SLC35D1: variants seen among roughly 807,000 people sequenced by gnomAD.
The protein encoded by SLC35D1 is nucleotide sugar transporter SLC35D1.
Under a neutral mutation model 46.7 loss-of-function variants are expected in SLC35D1, and 31 were observed. The ratio of observed to expected loss-of-function variants is 0.66; its 90% CI spans 0.50 to 0.90. SLC35D1 has a LOEUF of 0.90. Among genes scored for constraint, SLC35D1 ranks in the 40% least tolerant of loss-of-function variants. The pLI, the probability that SLC35D1 is intolerant of heterozygous loss-of-function variation, is 0.00. For missense variants in SLC35D1, 397 were observed against 426.2 expected, an observed-to-expected ratio of 0.93 and a Z score of 0.60; for synonymous variants, 195 against 164.6, an observed-to-expected ratio of 1.18 and a Z score of -1.41.
chr1:66,991,794 C>CTTT, the SLC35D1 span, among the ~76,000 whole-genome samples: 1,978 of 149,242 alleles, frequency 0.013, 36 homozygotes, highest in African/African-American at 0.046. Flanking sequence ...ATATTTACAG[C>CTTT]TTTTTTTTTT....
At chr1:67,023,783 G>A (rs939958180) in intron 8 of SLC35D1, among the ~76,000 whole-genome samples, 1 of 151,646 alleles carries the variant, frequency 6.6e-6, no homozygotes, top group East Asian at 1.9e-4. Flanking sequence ...AGAGGTGCCC[G>A]GCCTCTTTTG....
At chr1:66,998,996 A>G (rs935696537), downstream of SLC35D1, among the ~76,000 whole-genome samples, 3 of 152,220 alleles carry the variant, frequency 2.0e-5, no homozygotes, top group African/African-American at 7.2e-5. Flanking sequence ...TTTTACCACA[A>G]TCTTTTTCTT....
At chr1:67,012,765 A>T (rs1397650490) in intron 10 of SLC35D1, among the ~76,000 whole-genome samples, 1 of 152,114 alleles carries the variant, frequency 6.6e-6, no homozygotes, top group Non-Finnish European at 1.5e-5. Flanking sequence ...ATTCACAATA[A>T]AGGCTGCTGT....
chr1:66,974,952 C>T, the SLC35D1 span, among the ~76,000 whole-genome samples: 2 of 151,954 alleles, frequency 1.3e-5, no homozygotes, highest in East Asian at 1.9e-4. Flanking sequence ...TGACTTAGTT[C>T]GAATCTATCT....
the SLC35D1 span, chr1:66,987,306 A>G: frequency 6.5e-6 from 1 of 152,712 alleles, no homozygotes; most frequent in South Asian, 2.1e-4. Flanking sequence ...TTTGCTTAAG[A>G]TTTAGTACAT....
the SLC35D1 span, chr1:66,988,344 C>G: frequency 2.0e-5 from 3 of 152,112 alleles, no homozygotes; most frequent in Admixed American, 2.0e-4. Context: ...TCTTTAATAT[C>G]AAGTTCATCC....
intron 7 of SLC35D1, among the ~76,000 whole-genome samples, chr1:67,043,268 A>T (rs749627611): frequency 6.6e-6 from 1 of 151,970 alleles, no homozygotes; most frequent in Non-Finnish European, 1.5e-5. Flanking sequence ...GGGGAGGCTG[A>T]TGTGGGTGGA....
At chr1:66,996,772 A>G (rs921835802), downstream of SLC35D1, among the ~76,000 whole-genome samples, 2 of 152,246 alleles carry the variant, frequency 1.3e-5, no homozygotes, top group Non-Finnish European at 2.9e-5. Context: ...CTGACAGCCT[A>G]TGCTTCAAGG....
chr1:66,981,507 G>A, the SLC35D1 span, among the ~76,000 whole-genome samples: 2 of 152,252 alleles, frequency 1.3e-5, no homozygotes, highest in African/African-American at 2.4e-5. Context: ...GGGCCACTCT[G>A]AGCACCTGCC....
At position 67,021,756 on chromosome 1, in the gene SLC35D1, C is replaced by CAT. The variant is rs1167111463; in HGVS notation, c.730-155_730-154insAT. On this transcript the variant is annotated intron_variant, in intron 8 of 11. Transcript: ENST00000235345. ...ACACACACACACACACACACACACA[C>CAT]ACAGGTATATGTTTCCCTGAATTAC... Among the ~76,000 whole-genome samples the CAT allele has an allele frequency of 3.0e-4, 45 of 150,892 alleles. No individual in the cohort carries two copies. In the East Asian group the frequency reaches 3.7e-3, roughly 12 times the overall value.
Position 67,002,363 on chromosome 1 carries a change from C to T in SLC35D1, c.*1977G>A, listed in dbSNP as rs1419013250. On this transcript the variant is annotated 3_prime_UTR_variant, in exon 12 of 12. Coordinates refer to ENST00000235345, the MANE Select transcript of SLC35D1 (RefSeq NM_015139.3). ...GCTTTTTTGAAAGTGCTCAAGTGAA[C>T]TCAGGATCTGTTTCCTTACTCCCTC... is the stretch of plus-strand genomic sequence containing the variant. The T allele has an allele frequency of 6.6e-6, 1 of 152,332 alleles. No individual in the cohort carries two copies. Among genetic ancestry groups the T allele is most frequent in the Non-Finnish European group, 1.5e-5 (1 of 68,046 alleles). The allele number at this position is 152,332 out of a possible 1,614,324, so 9.4% of individuals were successfully genotyped here.
the SLC35D1 span, among the ~76,000 whole-genome samples, chr1:66,992,764 C>A: frequency 2.0e-5 from 3 of 152,296 alleles, no homozygotes; most frequent in African/African-American, 7.2e-5. Flanking sequence ...ATGGCAGCAC[C>A]CTTTGGGTTT....
At chr1:67,050,294 T>C in intron 5 of SLC35D1, 139 bp downstream of exon 5, 1 of 665,134 alleles carries the variant, frequency 1.5e-6, no homozygotes, top group South Asian at 1.9e-5. Flanking sequence ...AAACTATCAA[T>C]TCCAGCAGCC....
At position 67,042,051 on chromosome 1, in the gene SLC35D1, T is replaced by A. The variant is rs2815375; in HGVS notation, c.729+185A>T. 0.75 allele frequency among the ~76,000 whole-genome samples: 113,872 copies of A among 152,142 alleles called. 43,028 individuals are homozygous for A. The highest frequency in any genetic ancestry group is 0.88 in the South Asian group (4,236 of 4,826). Reference sequence around the variant, plus strand: ...CAGCAGAGCTATTTTGAGTCATCTTTGTACTATCCAATGTTTACGCCAAGA... The same window carrying A: ...CAGCAGAGCTATTTTGAGTCATCTTAGTACTATCCAATGTTTACGCCAAGA... On this transcript the variant is annotated intron_variant, in intron 8 of 11. Transcript: ENST00000235345.
chr1:66,986,343 T>C, the SLC35D1 span: 2 of 1,577,756 alleles, frequency 1.3e-6, no homozygotes, highest in Admixed American at 3.6e-5. Flanking sequence ...ATATAGCTGA[T>C]AGACCAACCT....
Position 67,000,747 on chromosome 1 carries a change from A to G in SLC35D1, c.*3593T>C, listed in dbSNP as rs1336738228. 5 of 152,308 alleles carry G rather than the reference A, an allele frequency of 3.3e-5. No individual in the cohort carries two copies. Among genetic ancestry groups the G allele is most frequent in the Non-Finnish European group, 7.3e-5 (5 of 68,050 alleles). 9.4% of individuals were successfully genotyped at this position (152,308 alleles called of 1,614,324 possible). On this transcript the variant is annotated 3_prime_UTR_variant, in exon 12 of 12. Transcript: ENST00000235345. ...AAAAATCAATTACAGTCTTGTTCAT[A>G]GGAAAAACCAAACTTACAATTTTGG...
chr1:66,982,922 C>G, the SLC35D1 span, among the ~76,000 whole-genome samples: 2 of 152,322 alleles, frequency 1.3e-5, no homozygotes, highest in South Asian at 4.1e-4. Context: ...GAATAAGATG[C>G]TGAGACTCTG....
chr1:67,007,511 T>C (rs556831440), intron 11 of SLC35D1, among the ~76,000 whole-genome samples: 9 of 152,296 alleles, frequency 5.9e-5, no homozygotes, highest in East Asian at 1.9e-4. Flanking sequence ...GGGGGCACAC[T>C]ATTGCCACAT....
intron 1 of SLC35D1, 49 bp downstream of exon 1, chr1:67,053,762 G>T: frequency 1.4e-6 from 2 of 1,425,806 alleles, no homozygotes; most frequent in South Asian, 1.5e-5. Context: ...CGCCGCCGCC[G>T]CCGCCCGCTC....
Sources: gnomAD v4.1 joint callset for allele counts (sites outside exome capture counted in the v4.1 genomes callset) on GRCh38, gnomAD v4.1.1 for gene constraint, MANE v1.5 for transcripts, NCBI Gene and HGNC (gene_info 2026-07-23, HGNC 2026-07-21) for gene names.